IQCE: variants seen among roughly 807,000 people sequenced by gnomAD.
IQCE encodes the protein IQ domain-containing protein E.
Under a neutral mutation model 96.0 loss-of-function variants are expected in IQCE, and 115 were observed. The ratio of observed to expected loss-of-function variants is 1.20; its 90% CI spans 1.03 to 1.40. The LOEUF is 1.40. Ranked by LOEUF, IQCE falls within the 40% of genes most tolerant of loss-of-function variation. The pLI, the probability that IQCE is intolerant of heterozygous loss-of-function variation, is 0.00. For missense variants in IQCE, 1,041 were observed against 909.1 expected (o/e 1.15, Z -1.87); for synonymous variants, 412 against 371.2 (o/e 1.11, Z -1.26).
Position 2,572,254 on chromosome 7 carries a change from G to A in IQCE, c.322G>A (p.Gly108Ser), listed in dbSNP as rs751939600. ...GGAGCATGCGTGGACTGGCGTCCCC[G>A]GCGGCACTCCTGACTGTCTGACAGA... ...TWEHAWTGVPGGTPDCLTDTF... is the reference protein window; with the variant it reads ...TWEHAWTGVPSGTPDCLTDTF... The change falls in exon 5 of 22, where the codon GGC becomes AGC. Residue 108 changes from glycine to serine, a missense_variant. Coordinates refer to ENST00000402050, the MANE Select transcript of IQCE (RefSeq NM_152558.5). 8.2e-5 allele frequency: 133 copies of A among 1,613,988 alleles called. 1 individual carries two copies. In the South Asian group the frequency reaches 1.3e-3, roughly 15 times the overall value.
rs1785173996 is a variant in IQCE at position 2,613,184 on chromosome 7, C to T, written c.*3022C>T. The T allele has an allele frequency of 6.6e-6, 1 of 152,250 alleles. No individual in the cohort carries two copies. The highest frequency in any genetic ancestry group is 1.5e-5 in the Non-Finnish European group (1 of 68,050). 9.4% of individuals were successfully genotyped at this position (152,250 alleles called of 1,614,324 possible). A position where few individuals can be genotyped will look rare whatever the true frequency, so the allele number is the denominator to read the frequency against. On this transcript the variant is annotated 3_prime_UTR_variant, in exon 22 of 22. Transcript: ENST00000402050. ...GATGTCAGTCTCCAGGGCCTGGCCC[C>T]ACTGTGTTGACAGCAGTCACGTCTG...
rs775246755 is a variant in IQCE at position 2,607,270 on chromosome 7, T to G, written c.1969+43T>G. On this transcript the variant is annotated intron_variant, in intron 21 of 21. Coordinates refer to ENST00000402050, the MANE Select transcript of IQCE (RefSeq NM_152558.5). Reference sequence around the variant, plus strand: ...GATTCTGGCACCAGGGCAGCTGGTCTGCTGAGGTCTCAGCCAAAGAGTGGC... The same window carrying G: ...GATTCTGGCACCAGGGCAGCTGGTCGGCTGAGGTCTCAGCCAAAGAGTGGC... 21 of 1,612,592 alleles carry G rather than the reference T, an allele frequency of 1.3e-5. No homozygotes were observed. The African/African-American group carries it at 2.0e-4, about 15-fold the overall frequency.
At chr7:2,580,515 G>A (rs1782583359) in intron 8 of IQCE, among the ~76,000 whole-genome samples, 1 of 152,156 alleles carries the variant, frequency 6.6e-6, no homozygotes, top group Admixed American at 6.5e-5. Context: ...AGGAGGCTGA[G>A]GCAGAAGGAT....
At chr7:2,590,351 G>A (rs1045117294) in intron 14 of IQCE, among the ~76,000 whole-genome samples, 1 of 152,258 alleles carries the variant, frequency 6.6e-6, no homozygotes, top group Middle Eastern at 3.2e-3. Context: ...GATTGTTGCC[G>A]GGGTTAAACA....
At position 2,568,936 on chromosome 7, in the gene IQCE, AT is replaced by A; in HGVS notation, c.85-15del. On this transcript the variant is annotated splice_polypyrimidine_tract_variant and intron_variant, in intron 2 of 21. Transcript: ENST00000402050. ...GTGGGAGCTCAGCAAGCCTTATGCC[AT>A]TTCTTCTTTCTTTCAGAAAGCAAAA... is the stretch of plus-strand genomic sequence containing the variant. 6.2e-7 allele frequency: 1 copy of A among 1,610,372 alleles called. No homozygotes were observed. The highest frequency in any genetic ancestry group is 8.5e-7 in the Non-Finnish European group (1 of 1,179,456).
At position 2,584,302 on chromosome 7, in the gene IQCE, C is replaced by A; in HGVS notation, c.824+17C>A. On this transcript the variant is annotated intron_variant, in intron 11 of 21. Coordinates refer to ENST00000402050, the MANE Select transcript of IQCE (RefSeq NM_152558.5). ...CGGAAAGAAGTATGATGGCCGCTTGCAAGCTGTGTTTTGTGTGTTGCCTTC... is the reference window on the plus strand; with the variant it reads ...CGGAAAGAAGTATGATGGCCGCTTGAAAGCTGTGTTTTGTGTGTTGCCTTC... 2 of 1,613,156 alleles carry A rather than the reference C, an allele frequency of 1.2e-6. No homozygotes were observed. Among genetic ancestry groups the A allele is most frequent in the Middle Eastern group, 1.6e-4 (1 of 6,062 alleles).
chr7:2,567,832 C>G (rs1255769233), intron 2 of IQCE, among the ~76,000 whole-genome samples: 2 of 152,264 alleles, frequency 1.3e-5, no homozygotes, highest in East Asian at 3.8e-4. Context: ...GCTCCACTGT[C>G]TCCCTCCAGG....
At chr7:2,576,265 G>T (rs1181729755) in intron 6 of IQCE, among the ~76,000 whole-genome samples, 1 of 152,186 alleles carries the variant, frequency 6.6e-6, no homozygotes, top group African/African-American at 2.4e-5. Flanking sequence ...GAGGCTGGGA[G>T]CTGGTGAGCT....
chr7:2,603,174 G>A (rs1425126509), intron 18 of IQCE, among the ~76,000 whole-genome samples: 1 of 152,088 alleles, frequency 6.6e-6, no homozygotes, highest in East Asian at 1.9e-4. Flanking sequence ...TCATCCCGAG[G>A]TCTCCAGCAT....
chr7:2,559,029 G>C lies in IQCE; in HGVS notation c.-153G>C. On this transcript the variant is annotated 5_prime_UTR_variant, in exon 1 of 22. Transcript: ENST00000402050. ...GGAACGCAGGTCGCTTACCCGGCTG[G>C]GTAGGTCGGCGGCCTGGTTGCCATG... 2.6e-6 allele frequency: 1 copy of C among 377,994 alleles called. No individual in the cohort carries two copies. Among genetic ancestry groups the C allele is most frequent in the East Asian group, 4.3e-5 (1 of 23,302 alleles). 23.4% of individuals were successfully genotyped at this position (377,994 alleles called of 1,614,324 possible).
At chr7:2,597,574 A>T (rs1445596246) in intron 16 of IQCE, among the ~76,000 whole-genome samples, 4 of 152,220 alleles carry the variant, frequency 2.6e-5, no homozygotes, top group Non-Finnish European at 5.9e-5. Context: ...CTCTCCACCG[A>T]GCTTGCATTC....
chr7:2,568,304 T>A (rs1781525786), intron 2 of IQCE, among the ~76,000 whole-genome samples: 2 of 152,250 alleles, frequency 1.3e-5, no homozygotes, highest in South Asian at 4.1e-4. Flanking sequence ...TAAATGAATT[T>A]TGTGTTTAGA....
At chr7:2,596,075 C>T (rs1336052586) in intron 16 of IQCE, among the ~76,000 whole-genome samples, 1 of 152,206 alleles carries the variant, frequency 6.6e-6, no homozygotes, top group Non-Finnish European at 1.5e-5. Flanking sequence ...GTGTCACCAT[C>T]CTGAGGCTGC....
At position 2,598,489 on chromosome 7, in the gene IQCE, C is replaced by G; in HGVS notation, c.1465C>G (p.Pro489Ala). 6.3e-7 allele frequency: 1 copy of G among 1,595,384 alleles called. No homozygotes were observed. The highest frequency in any genetic ancestry group is 8.5e-7 in the Non-Finnish European group (1 of 1,171,432). Residue 489 changes from proline to alanine, a missense_variant, in exon 17 of 22, where the codon CCC becomes GCC. Pro to Ala is a conservative substitution (Grantham distance 27). Coordinates refer to ENST00000402050, the MANE Select transcript of IQCE (RefSeq NM_152558.5). ...GGCCCAAGAGCTCCCAGCTCCCACT[C>G]CCAGCAGCAGGCACTGCGAGCAAGA... ...HKAQELPAPTPSSRHCEQDWP... is the reference protein window; with the variant it reads ...HKAQELPAPTASSRHCEQDWP...
chr7:2,610,047 C>G lies in IQCE; in HGVS notation c.1973C>G (p.Pro658Arg), dbSNP rs752964612. The change falls in exon 22 of 22, where the codon CCC becomes CGC. Residue 658 changes from proline (P) to arginine (R), a missense_variant. Coordinates refer to ENST00000402050, the MANE Select transcript of IQCE (RefSeq NM_152558.5). ...TCCCTGTGGTTCATTTCTGCAGACCCCTCTCCCTCAGGGCCACAGGCCTTG... is the reference window on the plus strand; with the variant it reads ...TCCCTGTGGTTCATTTCTGCAGACCGCTCTCCCTCAGGGCCACAGGCCTTG... Reference protein sequence around the residue: ...SPPFLAALPDPSPSGPQALAP... With the variant: ...SPPFLAALPDRSPSGPQALAP... 8.3e-6 allele frequency: 13 copies of G among 1,569,606 alleles called. No homozygotes were observed. In the East Asian group the frequency reaches 2.9e-4, roughly 35 times the overall value.
intron 18 of IQCE, 36 bp downstream of exon 18, chr7:2,601,500 T>A (rs117519897): frequency 2.7e-6 from 4 of 1,508,988 alleles, no homozygotes; most frequent in Non-Finnish European, 3.7e-6. Context: ...AAAATTCGGA[T>A]TTGTATTTTG....
intron 4 of IQCE, 50 bp from the exon 5 acceptor site, chr7:2,572,142 A>G (rs1460396574): frequency 2.6e-6 from 4 of 1,560,000 alleles, no homozygotes; most frequent in South Asian, 2.4e-5. Flanking sequence ...AAAACCTCCC[A>G]TTGTGTGTGC....
intron 16 of IQCE, chr7:2,597,163 G>C (rs1386792652): frequency 2.1e-6 from 1 of 465,684 alleles, no homozygotes; most frequent in Admixed American, 2.4e-5. Context: ...AGGGCCGGCG[G>C]GCTGGAAGCT....
At chr7:2,577,125 A>G (rs1441509903) in intron 6 of IQCE, among the ~76,000 whole-genome samples, 1 of 152,178 alleles carries the variant, frequency 6.6e-6, no homozygotes, top group Admixed American at 6.5e-5. Context: ...CACCCACCAC[A>G]CACAGAGCCC....
Sources: gnomAD v4.1 joint callset for allele counts (sites outside exome capture counted in the v4.1 genomes callset) on GRCh38, gnomAD v4.1.1 for gene constraint, MANE v1.5 for transcripts, NCBI Gene and HGNC (gene_info 2026-07-23, HGNC 2026-07-21) for gene names.